The following SMAP1 variants were observed in gnomAD, a reference collection of about 807,000 sequenced individuals.
SMAP1 encodes stromal membrane-associated protein 1.
In SMAP1, 24 loss-of-function variants were observed where a neutral mutation model predicts 58.5. That is an observed-to-expected ratio of 0.41 (90% confidence interval 0.30 to 0.58). The LOEUF is 0.58. Ranked by LOEUF, SMAP1 falls within the 20% of genes least tolerant of loss-of-function variation. The pLI is 0.29. For synonymous variants in SMAP1, 216 were observed against 196.6 expected (o/e 1.10, Z -0.82); for missense variants, 563 against 566.3 (o/e 0.99, Z 0.06).
rs199657124 is a variant in SMAP1, at chr6:70,728,067, GA to G, written c.119-4301del. On this transcript the variant is annotated intron_variant, in intron 1 of 10. Coordinates refer to ENST00000370455, the MANE Select transcript of SMAP1 (RefSeq NM_001044305.3). ...CAATAGAGTGAGACCCTGTCTCAAA[GA>G]AAAAAAAAAGTGGCTTAAACAGGGT... 4.1e-5 allele frequency among the ~76,000 whole-genome samples: 6 copies of G among 147,910 alleles called. No individual in the cohort carries two copies. The East Asian group carries it at 5.9e-4, about 15-fold the overall frequency.
chr6:70,811,726 T>A (rs1769396858), intron 6 of SMAP1, among the ~76,000 whole-genome samples: 2 of 152,162 alleles, frequency 1.3e-5, no homozygotes, highest in African/African-American at 4.8e-5. Context: ...TGCCTGCAGA[T>A]CCCTTTATTG....
chr6:70,756,684 G>A (rs998808243), intron 3 of SMAP1, among the ~76,000 whole-genome samples: 1 of 151,552 alleles, frequency 6.6e-6, no homozygotes, highest in Non-Finnish European at 1.5e-5. Flanking sequence ...GAAGGATTTT[G>A]TCAATGTACA....
chr6:70,815,223 T>TA (rs1769567120), intron 6 of SMAP1, among the ~76,000 whole-genome samples: 1 of 152,172 alleles, frequency 6.6e-6, no homozygotes, highest in South Asian at 2.1e-4. Flanking sequence ...ACCAAAATGT[T>TA]AAGGTAGAAT....
chr6:70,697,729 G>A (rs544991132), intron 1 of SMAP1, among the ~76,000 whole-genome samples: 10 of 152,202 alleles, frequency 6.6e-5, no homozygotes, highest in African/African-American at 1.7e-4. Flanking sequence ...TGCAAATAAC[G>A]TAATCCATTA....
At chr6:70,764,866 C>A (rs1444014974) in intron 3 of SMAP1, among the ~76,000 whole-genome samples, 1 of 152,112 alleles carries the variant, frequency 6.6e-6, no homozygotes, top group Non-Finnish European at 1.5e-5. Flanking sequence ...GTGGTGCGAT[C>A]ATAGTTCACT....
rs566002433 is a variant in SMAP1 at position 70,832,637 on chromosome 6, G to GGACA, written c.577-4302_577-4299dup. On this transcript the variant is annotated intron_variant, in intron 6 of 10. Coordinates refer to ENST00000370455, the MANE Select transcript of SMAP1 (RefSeq NM_001044305.3). ...GTTCTGGAAGCTGAGATGTCCAAGAGGACAGCTCCAGCATCTGGTGAGGTC... is the reference window on the plus strand; with the variant it reads ...GTTCTGGAAGCTGAGATGTCCAAGAGGACAGACAGCTCCAGCATCTGGTGAGGTC... Among the ~76,000 whole-genome samples the GGACA allele has an allele frequency of 3.3e-4, 50 of 152,258 alleles. No homozygotes were observed. The East Asian group carries it at 7.1e-3, about 22-fold the overall frequency.
At chr6:70,786,697 C>A (rs957238982) in intron 4 of SMAP1, among the ~76,000 whole-genome samples, 3 of 152,086 alleles carry the variant, frequency 2.0e-5, no homozygotes, top group Non-Finnish European at 2.9e-5. Flanking sequence ...GTGAACTCCC[C>A]TTCACAATTA....
chr6:70,717,888 A>G (rs996821818), intron 1 of SMAP1, among the ~76,000 whole-genome samples: 1 of 152,186 alleles, frequency 6.6e-6, no homozygotes, highest in Non-Finnish European at 1.5e-5. Context: ...AGAAAATAAT[A>G]TATTGAATTT....
chr6:70,788,436 A>T (rs1438745623), intron 4 of SMAP1, among the ~76,000 whole-genome samples: 3 of 152,060 alleles, frequency 2.0e-5, no homozygotes, highest in Non-Finnish European at 2.9e-5. Context: ...TGTACCCTAC[A>T]ACTTAAAGTG....
In SMAP1 at chr6:70,732,529, A is replaced by G. The variant is rs1216146025; in HGVS notation, c.252+18A>G. The G allele has an allele frequency of 6.7e-7, 1 of 1,500,596 alleles. No individual in the cohort carries two copies. Among genetic ancestry groups the G allele is most frequent in the African/African-American group, 1.4e-5 (1 of 71,064 alleles). The allele number at this position is 1,500,596 out of a possible 1,614,324, so 93.0% of individuals were successfully genotyped here. On this transcript the variant is annotated intron_variant, in intron 2 of 10. Transcript: ENST00000370455. ...AGATACAGGTAAACATGACGTTACC[A>G]AGAAATTATTTAAAATATTTAAAAT...
intron 3 of SMAP1, among the ~76,000 whole-genome samples, chr6:70,758,885 G>T (rs1480441958): frequency 6.6e-6 from 1 of 152,090 alleles, no homozygotes; most frequent in Non-Finnish European, 1.5e-5. Flanking sequence ...TTAAGAGTTA[G>T]AAATGAAAGA....
intron 4 of SMAP1, among the ~76,000 whole-genome samples, chr6:70,781,880 C>T (rs1317042405): frequency 2.0e-5 from 3 of 152,086 alleles, no homozygotes; most frequent in African/African-American, 2.4e-5. Flanking sequence ...TTGTAGTGTT[C>T]TGGGAGTTTT....
intron 2 of SMAP1, among the ~76,000 whole-genome samples, chr6:70,741,483 T>C (rs1765812638): frequency 6.6e-6 from 1 of 152,176 alleles, no homozygotes; most frequent in Non-Finnish European, 1.5e-5. Context: ...AAGAGGTGGG[T>C]TCCTATGGCC....
At chr6:70,725,679 G>A (rs907202036) in intron 1 of SMAP1, among the ~76,000 whole-genome samples, 12 of 152,090 alleles carry the variant, frequency 7.9e-5, no homozygotes, top group Non-Finnish European at 1.2e-4. Context: ...AAGAATTAAC[G>A]TTTACATCTC....
intron 1 of SMAP1, among the ~76,000 whole-genome samples, chr6:70,680,195 G>T (rs1766642938): frequency 6.6e-6 from 1 of 152,040 alleles, no homozygotes; most frequent in Non-Finnish European, 1.5e-5. Context: ...ATTTGAGATG[G>T]ATCATAAAAC....
chr6:70,806,379 G>A (rs181601629), intron 6 of SMAP1, among the ~76,000 whole-genome samples: 38 of 152,334 alleles, frequency 2.5e-4, no homozygotes, highest in African/African-American at 8.9e-4. Flanking sequence ...CAGTATTTAG[G>A]CAGGAGTGTC....
chr6:70,799,229 G>A (rs1768739359), intron 6 of SMAP1, among the ~76,000 whole-genome samples: 1 of 152,112 alleles, frequency 6.6e-6, no homozygotes, highest in African/African-American at 2.4e-5. Context: ...TTTGAAGAAA[G>A]GGATTTGTCT....
chr6:70,674,341 G>C (rs1766391997), intron 1 of SMAP1, among the ~76,000 whole-genome samples: 2 of 152,072 alleles, frequency 1.3e-5, no homozygotes, highest in South Asian at 4.1e-4. Flanking sequence ...TTGAACTCCT[G>C]GGTTCGAGTG....
At chr6:70,814,386 C>T (rs1411937197) in intron 6 of SMAP1, among the ~76,000 whole-genome samples, 1 of 152,150 alleles carries the variant, frequency 6.6e-6, no homozygotes, top group African/African-American at 2.4e-5. Context: ...CATCTGTAGA[C>T]TCTGATGAGA....
Sources: allele counts gnomAD v4.1 joint callset (sites outside exome capture counted in the v4.1 genomes callset), GRCh38; gene constraint gnomAD v4.1.1; transcripts MANE v1.5; gene names NCBI Gene and HGNC (gene_info 2026-07-23, HGNC 2026-07-21).